The following ADGRB3 variants were observed in gnomAD, a reference collection of about 807,000 sequenced individuals.
ADGRB3 encodes the protein brain-specific angiogenesis inhibitor 3.
ADGRB3 carries 37 observed loss-of-function variants against 193.4 expected under a neutral mutation model. That is an observed-to-expected ratio of 0.19 (90% CI 0.15 to 0.25). The LOEUF is 0.25. ADGRB3 is among the 10% of genes least tolerant of loss of function. ADGRB3 has a pLI of 1.00. For synonymous variants in ADGRB3, 690 were observed against 644.2 expected (o/e 1.07, Z -1.08); for missense variants, 1,637 against 1,852.9 (o/e 0.88, Z 2.14).
chr6:69,152,994 A>T (rs1774722178), intron 17 of ADGRB3, among the ~76,000 whole-genome samples: 1 of 152,176 alleles, frequency 6.6e-6, no homozygotes. Flanking sequence ...TAAGGAAATG[A>T]TTACAAAACA....
At chr6:69,168,489 A>C (rs1425639005) in intron 17 of ADGRB3, among the ~76,000 whole-genome samples, 1 of 152,102 alleles carries the variant, frequency 6.6e-6, no homozygotes, top group African/African-American at 2.4e-5. Context: ...TTAAAGGAAA[A>C]ATATTCTCCA....
intron 16 of ADGRB3, among the ~76,000 whole-genome samples, chr6:69,064,177 T>C (rs1312785766): frequency 1.3e-5 from 2 of 151,982 alleles, no homozygotes; most frequent in African/African-American, 4.8e-5. Context: ...TTTCTGTGAA[T>C]CACTTTTTCT....
At chr6:69,379,314 G>A (rs188428459) in intron 30 of ADGRB3, among the ~76,000 whole-genome samples, 47 of 151,696 alleles carry the variant, frequency 3.1e-4, no homozygotes, top group Admixed American at 3.1e-3. Context: ...TTAAAAAACG[G>A]GTGCTTAAAT....
intron 3 of ADGRB3, among the ~76,000 whole-genome samples, chr6:68,916,294 T>C (rs1012506593): frequency 2.6e-5 from 4 of 152,198 alleles, no homozygotes; most frequent in Non-Finnish European, 5.9e-5. Flanking sequence ...GAAATGTTTG[T>C]GAATTGGAAG....
intron 17 of ADGRB3, among the ~76,000 whole-genome samples, chr6:69,150,766 A>C (rs1374561213): frequency 1.3e-5 from 2 of 152,152 alleles, no homozygotes; most frequent in Non-Finnish European, 2.9e-5. Context: ...AGTGTGTACT[A>C]CCTGGTTATT....
At chr6:69,011,190 G>A (rs1224762395) in intron 11 of ADGRB3, among the ~76,000 whole-genome samples, 2 of 150,058 alleles carry the variant, frequency 1.3e-5, no homozygotes, top group Non-Finnish European at 3.0e-5. Flanking sequence ...CTATATGTGT[G>A]AGACAAGTTA....
At chr6:68,852,419 A>G (rs2127391467) in intron 3 of ADGRB3, among the ~76,000 whole-genome samples, 1 of 152,112 alleles carries the variant, frequency 6.6e-6, no homozygotes, top group Non-Finnish European at 1.5e-5. Flanking sequence ...CCTCTAACAA[A>G]AATGCTCAAA....
chr6:68,650,614 A>C (rs1300703683), intron 3 of ADGRB3, among the ~76,000 whole-genome samples: 2 of 152,160 alleles, frequency 1.3e-5, no homozygotes, highest in African/African-American at 4.8e-5. Flanking sequence ...GTTGCTGTTC[A>C]AGTTTCATTT....
chr6:69,033,467 A>T (rs540745216), intron 13 of ADGRB3, among the ~76,000 whole-genome samples: 57 of 152,346 alleles, frequency 3.7e-4, no homozygotes, highest in African/African-American at 1.3e-3. Flanking sequence ...TTATAAATGA[A>T]TTAGTTCATT....
chr6:69,385,272 A>G (rs1770044330), intron 31 of ADGRB3, among the ~76,000 whole-genome samples: 1 of 151,944 alleles, frequency 6.6e-6, no homozygotes, highest in Non-Finnish European at 1.5e-5. Flanking sequence ...GTACCTAAAT[A>G]TTGGTAGGTT....
intron 3 of ADGRB3, among the ~76,000 whole-genome samples, chr6:68,686,482 T>A (rs1764984534): frequency 6.6e-6 from 1 of 152,148 alleles, no homozygotes; most frequent in South Asian, 2.1e-4. Context: ...TATCTCCTGT[T>A]ACAATTTTTT....
intron 17 of ADGRB3, chr6:69,232,526 A>AG: frequency 6.5e-7 from 1 of 1,535,654 alleles, no homozygotes; most frequent in South Asian, 1.2e-5. Flanking sequence ...ACTTGGGGTT[A>AG]GCTTAATGCT....
chr6:69,227,195 T>C (rs1766036168), intron 17 of ADGRB3, among the ~76,000 whole-genome samples: 1 of 152,148 alleles, frequency 6.6e-6, no homozygotes, highest in Admixed American at 6.5e-5. Context: ...AGGGAATAGC[T>C]AGCACAAAAT....
chr6:69,329,319 C>G (rs766119036), intron 22 of ADGRB3, among the ~76,000 whole-genome samples: 1 of 152,072 alleles, frequency 6.6e-6, no homozygotes, highest in South Asian at 2.1e-4. Context: ...ACGGTTTTAT[C>G]TTTCTGCTGT....
At chr6:68,923,296 G>A (rs1269836237) in intron 3 of ADGRB3, among the ~76,000 whole-genome samples, 3 of 151,898 alleles carry the variant, frequency 2.0e-5, no homozygotes, top group Non-Finnish European at 2.9e-5. Context: ...ATATGTAAAA[G>A]ACAGAAGAAA....
chr6:69,337,949 A>G (rs1768887700), intron 24 of ADGRB3, among the ~76,000 whole-genome samples: 1 of 152,224 alleles, frequency 6.6e-6, no homozygotes, highest in Non-Finnish European at 1.5e-5. Context: ...ATAGGAATGG[A>G]CTATGCACAC....
intron 20 of ADGRB3, among the ~76,000 whole-genome samples, chr6:69,258,155 A>G (rs535649203): frequency 6.6e-6 from 1 of 152,254 alleles, no homozygotes; most frequent in African/African-American, 2.4e-5. Flanking sequence ...GAAGGATGAA[A>G]AAAATGACAA....
At chr6:68,677,852 C>T (rs564877420) in intron 3 of ADGRB3, among the ~76,000 whole-genome samples, 14 of 152,096 alleles carry the variant, frequency 9.2e-5, no homozygotes, top group South Asian at 6.2e-4. Flanking sequence ...AGTGATCTAC[C>T]GGCAAAAGTG....
intron 15 of ADGRB3, among the ~76,000 whole-genome samples, chr6:69,052,591 T>C (rs1039612479): frequency 6.6e-6 from 1 of 152,228 alleles, no homozygotes; most frequent in African/African-American, 2.4e-5. Context: ...GAGGACTTGC[T>C]GTAATGCTTT....
Sources: gnomAD v4.1 joint callset for allele counts (sites outside exome capture counted in the v4.1 genomes callset) on GRCh38, gnomAD v4.1.1 for gene constraint, MANE v1.5 for transcripts, NCBI Gene and HGNC (gene_info 2026-07-23, HGNC 2026-07-21) for gene names.